PRSS16: variants seen among roughly 807,000 people sequenced by gnomAD.
The protein encoded by PRSS16 is thymus-specific serine protease.
A neutral mutation model predicts 61.7 loss-of-function variants in PRSS16; 43 were observed. That is an observed-to-expected ratio of 0.70 (90% CI 0.55 to 0.90). The LOEUF is 0.90. Among genes scored for constraint, PRSS16 ranks in the 40% least tolerant of loss-of-function variants. The pLI, the probability that PRSS16 is intolerant of heterozygous loss-of-function variation, is 0.00. For missense variants in PRSS16, 591 were observed against 659.1 expected (o/e 0.90, Z 1.13); for synonymous variants, 273 against 285.2 (o/e 0.96, Z 0.43).
rs534063259 is a variant in PRSS16 at position 27,251,925 on chromosome 6, A to G, written c.893A>G (p.Tyr298Cys). The G allele has an allele frequency of 1.2e-6, 2 of 1,612,448 alleles. No homozygotes were observed. The highest frequency in any genetic ancestry group is 2.2e-5 in the East Asian group (1 of 44,728). Residue 298 changes from tyrosine (Y) to cysteine (C), a missense_variant, in exon 8 of 12, where the codon TAT (tyrosine) becomes TGT (cysteine). Coordinates refer to ENST00000230582, the MANE Select transcript of PRSS16 (RefSeq NM_005865.4). The surrounding 1 kb of genome is among the most constrained non-coding windows in gnomAD (Gnocchi z 5.6). ...GCACTGGTGGGAGGTGTAGTGCAGT[A>G]TGATGGGCAGACGGGAGCGCCGCTA... The part of the protein sequence containing the change: ...LQALVGGVVQ[Y>C]DGQTGAPLSV...
chr6:27,248,252 C>T (rs1365949991), intron 2 of PRSS16, among the ~76,000 whole-genome samples: 1 of 151,832 alleles, frequency 6.6e-6, no homozygotes, highest in Non-Finnish European at 1.5e-5. Context: ...CTCGGGGTCC[C>T]ACTCGTTTTG....
intron 3 of PRSS16, 28 bp from the exon 4 acceptor site, chr6:27,249,066 ACCTCCC>A: frequency 1.0e-6 from 1 of 960,854 alleles, no homozygotes; most frequent in Non-Finnish European, 1.6e-6. Context: ...CTTGCATCTC[ACCTCCC>A]CACCCCCCAC....
In PRSS16 at chr6:27,252,665, CT is replaced by C. The variant is rs1759940763; in HGVS notation, c.1009-142del. On this transcript the variant is annotated intron_variant, in intron 8 of 11. Coordinates refer to ENST00000230582, the MANE Select transcript of PRSS16 (RefSeq NM_005865.4). The surrounding 1 kb of genome is among the most constrained non-coding windows in gnomAD (Gnocchi z 4.2). ...TCACAAGGACCCAGGCATCCACCCC[CT>C]CTGACCACTGACTCCCAGGAGAACT... is the stretch of plus-strand genomic sequence containing the variant. 2 of 827,390 alleles carry C rather than the reference CT, an allele frequency of 2.4e-6. No homozygotes were observed. Among genetic ancestry groups the C allele is most frequent in the Admixed American group, 4.8e-5 (2 of 41,304 alleles). The allele number at this position is 827,390 out of a possible 1,614,324, so 51.3% of individuals were successfully genotyped here.
chr6:27,249,718 A>G (rs566513756), intron 4 of PRSS16, among the ~76,000 whole-genome samples: 82 of 152,328 alleles, frequency 5.4e-4, no homozygotes, highest in Middle Eastern at 6.8e-3. Flanking sequence ...TACAGTCGCC[A>G]TGGAGTCCAG....
intron 9 of PRSS16, chr6:27,254,338 G>C (rs1363673736): frequency 5.1e-6 from 1 of 195,612 alleles, no homozygotes; most frequent in Non-Finnish European, 1.0e-5. Context: ...TGAGCTCCGA[G>C]CATTCCAGAC....
chr6:27,251,619 C>CTGGGCA lies in PRSS16; in HGVS notation c.718-131_718-130insTGGGCA. On this transcript the variant is annotated intron_variant, in intron 7 of 11. Coordinates refer to ENST00000230582, the MANE Select transcript of PRSS16 (RefSeq NM_005865.4). The surrounding 1 kb of genome is among the most constrained non-coding windows in gnomAD (Gnocchi z 5.6). ...GGGGCCTGGGGGCGGGGGCCTGGGCCAAGAGCTAGGTCTGCACCCTCTGAG... is the reference window on the plus strand; with the variant it reads ...GGGGCCTGGGGGCGGGGGCCTGGGCCTGGGCAAAGAGCTAGGTCTGCACCCTCTGAG... 1 of 1,027,682 alleles carries CTGGGCA rather than the reference C, an allele frequency of 9.7e-7. No individual in the cohort carries two copies. The highest frequency in any genetic ancestry group is 1.3e-6 in the Non-Finnish European group (1 of 744,880). The allele number at this position is 1,027,682 out of a possible 1,614,324, so 63.7% of individuals were successfully genotyped here.
At chr6:27,248,695 A>G in intron 2 of PRSS16, 152 bp from the exon 3 acceptor site, 1 of 530,728 alleles carries the variant, frequency 1.9e-6, no homozygotes, top group East Asian at 3.3e-5. Context: ...TGAACAGGGG[A>G]AAAGTGAGCA....
In PRSS16 at chr6:27,247,987, T is replaced by C; in HGVS notation, c.176T>C (p.Val59Ala). Residue 59 changes from valine (V) to alanine (A), a missense_variant, in exon 2 of 12, where the codon GTG becomes GCG. Coordinates refer to ENST00000230582, the MANE Select transcript of PRSS16 (RefSeq NM_005865.4). ...LGPGAAALPK[V>A]GWLEQLLDPF... is the part of the protein sequence containing the mutation. ...CCAGGTGCTGCAGCCCTCCCAAAAG[T>C]GGGGTGGCTGGAGCAACTGCTGGAC... 2 of 1,613,200 alleles carry C rather than the reference T, an allele frequency of 1.2e-6. No individual in the cohort carries two copies. Among genetic ancestry groups the C allele is most frequent in the Non-Finnish European group, 1.7e-6 (2 of 1,179,578 alleles).
chr6:27,248,199 C>A, intron 2 of PRSS16, 151 bp downstream of exon 2: 1 of 1,018,286 alleles, frequency 9.8e-7, no homozygotes, highest in Non-Finnish European at 1.4e-6. Context: ...TGTCAGTATC[C>A]CTTTTCCTGC....
At position 27,252,704 on chromosome 6, in the gene PRSS16, CTTCTAT is replaced by C; in HGVS notation, c.1009-99_1009-94del. ...TCCCAGGAGAACTCAGGAACTCACC[CTTCTAT>C]TTCTGACTTTTGACCTCTGGGGACA... On this transcript the variant is annotated intron_variant, in intron 8 of 11. Coordinates refer to ENST00000230582, the MANE Select transcript of PRSS16 (RefSeq NM_005865.4). The surrounding 1 kb of genome is among the most constrained non-coding windows in gnomAD (Gnocchi z 4.2). The C allele has an allele frequency of 7.7e-7, 1 of 1,304,210 alleles. No individual in the cohort carries two copies. The highest frequency in any genetic ancestry group is 1.4e-5 in the South Asian group (1 of 73,894). 80.8% of individuals were successfully genotyped at this position (1,304,210 alleles called of 1,614,324 possible). A position where few individuals can be genotyped will look rare whatever the true frequency, so the allele number is the denominator to read the frequency against.
At chr6:27,249,988 T>C (rs1293555885) in intron 4 of PRSS16, among the ~76,000 whole-genome samples, 1 of 152,236 alleles carries the variant, frequency 6.6e-6, no homozygotes, top group Non-Finnish European at 1.5e-5. Context: ...TTCTTTCATC[T>C]GCTTTATTCT....
At position 27,250,805 on chromosome 6, in the gene PRSS16, A is replaced by G; in HGVS notation, c.590A>G (p.Lys197Arg). Residue 197 changes from lysine to arginine, a missense_variant and splice_region_variant, in exon 5 of 12, where the codon AAG (lysine) becomes AGG (arginine). Lys to Arg is a conservative substitution (Grantham distance 26, BLOSUM62 2). Transcript: ENST00000230582. ...AGSLAAWARLKFPHLIFASVA... is the reference protein window; with the variant it reads ...AGSLAAWARLRFPHLIFASVA... ...TCCTTGGCCGCCTGGGCCCGGCTGAAGGTCCTGCGACTCCTCCGGGTGGGC... is the reference window on the plus strand; with the variant it reads ...TCCTTGGCCGCCTGGGCCCGGCTGAGGGTCCTGCGACTCCTCCGGGTGGGC... 6.2e-7 allele frequency: 1 copy of G among 1,607,312 alleles called. No individual in the cohort carries two copies. Among genetic ancestry groups the G allele is most frequent in the Non-Finnish European group, 8.5e-7 (1 of 1,177,134 alleles).
Position 27,254,675 on chromosome 6 carries a change from A to G in PRSS16, c.1151-18A>G. 1 of 1,593,710 alleles carries G rather than the reference A, an allele frequency of 6.3e-7. No homozygotes were observed. The highest frequency in any genetic ancestry group is 8.6e-7 in the Non-Finnish European group (1 of 1,162,434). ...GGGCTGCCTGTATACCCACACTTAC[A>G]GGTATCTCCCTACACAGATGTCACC... On this transcript the variant is annotated intron_variant, in intron 9 of 11. Coordinates refer to ENST00000230582, the MANE Select transcript of PRSS16 (RefSeq NM_005865.4).
rs1375952177 is a variant in PRSS16, at chr6:27,251,846, TG to T, written c.815del (p.Cys272SerfsTer24). 6.2e-7 allele frequency: 1 copy of T among 1,612,902 alleles called. No homozygotes were observed. Among genetic ancestry groups the T allele is most frequent in the South Asian group, 1.1e-5 (1 of 91,006 alleles). The stretch of plus-strand genomic sequence containing the variant: ...AGCATTGCGGACGGAGCTGAGCGCT[TG>T]CGGGCCCCTGGGCCGCGCTGAAAAC... The part of the protein sequence containing the change: ...QAALRTELSA[C>X]GPLGRAENQA... On this transcript the variant is annotated frameshift_variant, in exon 8 of 12. Coordinates refer to ENST00000230582, the MANE Select transcript of PRSS16 (RefSeq NM_005865.4). LOFTEE classifies it high-confidence loss of function. This position sits in a 1 kb window ranked among gnomAD's most constrained non-coding sequence, Gnocchi z 5.6.
intron 5 of PRSS16, 102 bp from the exon 6 acceptor site, chr6:27,250,940 T>G: frequency 1.3e-6 from 2 of 1,572,312 alleles, no homozygotes; most frequent in Non-Finnish European, 1.7e-6. Flanking sequence ...CAAGCTGTCC[T>G]CACAAGAGCC....
chr6:27,252,962 C>A lies in PRSS16; in HGVS notation c.1150+13C>A. On this transcript the variant is annotated intron_variant, in intron 9 of 11. Transcript: ENST00000230582. This position sits in a 1 kb window ranked among gnomAD's most constrained non-coding sequence, Gnocchi z 4.2. ...GAGTTCGGCTTCTGTAAGTGACTGG[C>A]CTAACCCTAACTTTGTCCCCTCAAA... The A allele has an allele frequency of 1.2e-6, 2 of 1,614,102 alleles. No individual in the cohort carries two copies. The highest frequency in any genetic ancestry group is 1.7e-6 in the Non-Finnish European group (2 of 1,180,016).
intron 9 of PRSS16, chr6:27,253,465 T>A (rs1244675072): frequency 2.2e-6 from 1 of 449,192 alleles, no homozygotes; most frequent in Non-Finnish European, 4.5e-6. Flanking sequence ...CAATCCAACT[T>A]TTTCATAGCA....
chr6:27,254,633 T>G, intron 9 of PRSS16, 60 bp from the exon 10 acceptor site: 3 of 1,449,118 alleles, frequency 2.1e-6, no homozygotes, highest in Non-Finnish European at 2.9e-6. Context: ...TGAAAATGAT[T>G]ATTGAAGGAG....
chr6:27,248,870 T>A lies in PRSS16; in HGVS notation c.261T>A (p.His87Gln). 6.2e-7 allele frequency: 1 copy of A among 1,611,870 alleles called. No individual in the cohort carries two copies. The highest frequency in any genetic ancestry group is 1.7e-4 in the Middle Eastern group (1 of 6,048). The change falls in exon 3 of 12, where the codon CAT becomes CAA. Residue 87 changes from histidine (H) to glutamine (Q), a missense_variant. Physicochemically the swap from His to Gln is conservative, Grantham distance 24. Transcript: ENST00000230582. ...FLQRYWVNDQ[H>Q]WVGQDGPIFL... ...AGCGTTACTGGGTGAATGACCAACA[T>A]TGGGTTGGCCAGGATGGACCCATAT...
Sources: gnomAD v4.1 joint callset for allele counts (sites outside exome capture counted in the v4.1 genomes callset) on GRCh38, gnomAD v4.1.1 for gene constraint, Gnocchi (gnomAD v3.1) non-coding constraint, MANE v1.5 for transcripts, NCBI Gene and HGNC (gene_info 2026-07-23, HGNC 2026-07-21) for gene names.